Variants in PTOV1 observed in about 807,000 individuals in gnomAD.
PTOV1 encodes the protein prostate tumor-overexpressed gene 1 protein.
In PTOV1, 20 loss-of-function variants were observed where a neutral mutation model predicts 58.0. The observed-to-expected ratio is 0.34, with a 90% CI of 0.24 to 0.50. The LOEUF (loss-of-function observed/expected upper bound fraction) is 0.50, where lower values mean the gene tolerates loss of function less well. Ranked by LOEUF, PTOV1 falls within the 20% of genes least tolerant of loss-of-function variation. The pLI is 0.98. For synonymous variants in PTOV1, 335 were observed against 234.2 expected (o/e 1.43, Z -3.93); for missense variants, 593 against 565.4 (o/e 1.05, Z -0.50).
chr19:49,851,644 C>T, intron 1 of PTOV1, 145 bp downstream of exon 1: 4 of 1,108,358 alleles, frequency 3.6e-6, no homozygotes, highest in Non-Finnish European at 3.4e-6. Context: ...GCCGGGTTCC[C>T]CCGTGGAGCA....
intron 9 of PTOV1, 168 bp downstream of exon 9, chr19:49,858,282 G>A: frequency 2.2e-6 from 2 of 915,080 alleles, no homozygotes; most frequent in Non-Finnish European, 3.2e-6. Flanking sequence ...GCTTCAAGGG[G>A]TCCCAGGCAG....
exon 1 of PTOV1, chr19:49,851,391 C>T (rs1468872896): frequency 3.4e-6 from 4 of 1,173,806 alleles, no homozygotes; most frequent in Non-Finnish European, 3.2e-6. Flanking sequence ...GGGGTCGCGG[C>T]CGCCCTCCGC....
chr19:49,851,624 C>A, intron 1 of PTOV1, 125 bp downstream of exon 1: 1 of 1,071,944 alleles, frequency 9.3e-7, no homozygotes, highest in Non-Finnish European at 1.2e-6. Flanking sequence ...GAAGGGTGGT[C>A]CCGCCCGGGG....
At chr19:49,854,717 G>T (rs1432403786) in exon 3 of PTOV1, 16 of 1,613,392 alleles carry the variant, frequency 9.9e-6, no homozygotes, top group Middle Eastern at 1.6e-4. Flanking sequence ...AAGCCTACGT[G>T]AACCAAGGCG....
intron 1 of PTOV1, among the ~76,000 whole-genome samples, chr19:49,853,420 C>G (rs982072797): frequency 6.6e-6 from 1 of 150,498 alleles, no homozygotes; most frequent in African/African-American, 2.5e-5. Context: ...CTTTGGGAGG[C>G]CGAGGCGGGC....
rs375032521 is a variant in PTOV1 at position 49,857,269 on chromosome 19, C to T, written c.714+139C>T. 101 of 1,254,052 alleles carry T rather than the reference C, an allele frequency of 8.1e-5. 3 individuals carry two copies. The highest frequency in any genetic ancestry group is 4.5e-4 in the Admixed American group (22 of 49,352). The allele number at this position is 1,254,052 out of a possible 1,614,324, so 77.7% of individuals were successfully genotyped here. A position where few individuals can be genotyped will look rare whatever the true frequency, so the allele number is the denominator to read the frequency against. On this transcript the variant is annotated intron_variant, in intron 6 of 11. Coordinates refer to ENST00000391842, the Ensembl canonical transcript of PTOV1. The stretch of plus-strand genomic sequence containing the variant: ...AGCTGCAGGGGAGCCCGGAGGATGC[C>T]GGGCGGGTTCCCACCAGGGCTCCAT...
chr19:49,860,287 C>G, exon 12 of PTOV1: 1 of 1,613,136 alleles, frequency 6.2e-7, no homozygotes, highest in Non-Finnish European at 8.5e-7. Flanking sequence ...TAGTGGTTAC[C>G]CCGGGCTGGG....
At chr19:49,851,923 A>G in intron 1 of PTOV1, 1 of 956,382 alleles carries the variant, frequency 1.0e-6, no homozygotes, top group Non-Finnish European at 1.2e-6. Flanking sequence ...GCGCCCCCAG[A>G]TGTCGCACCC....
exon 1 of PTOV1, chr19:49,851,469 G>A: frequency 8.2e-7 from 1 of 1,221,066 alleles, no homozygotes; most frequent in Non-Finnish European, 1.0e-6. Context: ...CGCAGCCTCC[G>A]CGGATCCGGG....
intron 9 of PTOV1, 186 bp from the exon 10 acceptor site, chr19:49,858,363 G>T: frequency 1.5e-6 from 1 of 680,670 alleles, no homozygotes; most frequent in Non-Finnish European, 2.5e-6. Context: ...GGCTGCCAAG[G>T]GATCTGAGAG....
At chr19:49,855,007 C>T (rs1318564492) in exon 5 of PTOV1, 6 of 1,600,094 alleles carry the variant, frequency 3.7e-6, no homozygotes, top group South Asian at 1.1e-5. Context: ...TCCCAGTTGG[C>T]ACAGTTCCAC....
At position 49,854,555 on chromosome 19, in the gene PTOV1, TG is replaced by T. The variant is rs762299709; in HGVS notation, c.309+16del. Reference sequence around the variant, plus strand: ...TCGAGTGGCAGGAGGTGAGTCTCTGTGGGGCTGCGGCTGGCCTCCAGGGTCT... The same window carrying T: ...TCGAGTGGCAGGAGGTGAGTCTCTGTGGGCTGCGGCTGGCCTCCAGGGTCT... On this transcript the variant is annotated intron_variant, in intron 2 of 11. Transcript: ENST00000391842. 7.4e-6 allele frequency: 12 copies of T among 1,612,570 alleles called. No individual in the cohort carries two copies. The highest frequency in any genetic ancestry group is 1.0e-5 in the Non-Finnish European group (12 of 1,179,674).
intron 10 of PTOV1, chr19:49,859,288 A>C (rs2074633319): frequency 6.6e-6 from 1 of 152,510 alleles, no homozygotes; most frequent in South Asian, 2.1e-4. Context: ...ACATGAAAGC[A>C]ATTTCAAGCA....
chr19:49,857,085 C>A, exon 6 of PTOV1: 1 of 1,614,114 alleles, frequency 6.2e-7, no homozygotes, highest in Non-Finnish European at 8.5e-7. Context: ...ACGACCAGAG[C>A]GGCTTCGTCA....
exon 2 of PTOV1, chr19:49,854,423 C>T (rs773003272): frequency 9.3e-6 from 15 of 1,610,822 alleles, no homozygotes; most frequent in South Asian, 5.5e-5. Flanking sequence ...CTCGGGTCTT[C>T]GGGGCACTGG....
In PTOV1 at chr19:49,857,994, G is replaced by C. The variant is rs537423003; in HGVS notation, c.878+17G>C. On this transcript the variant is annotated intron_variant, in intron 8 of 11. Transcript: ENST00000391842. The stretch of plus-strand genomic sequence containing the variant: ...GGAGATCCTGTGAGTGCTGGGCTGG[G>C]GGGTGGAGGCAGCATCCAGGGGAGC... 16 of 1,613,160 alleles carry C rather than the reference G, an allele frequency of 9.9e-6. No homozygotes were observed. The highest frequency in any genetic ancestry group is 2.7e-5 in the African/African-American group (2 of 75,066).
chr19:49,860,168 G>C, exon 11 of PTOV1: 2 of 1,614,182 alleles, frequency 1.2e-6, no homozygotes, highest in African/African-American at 1.3e-5. Context: ...TGGAGCAGGA[G>C]CAACAGCAAC....
intron 2 of PTOV1, 35 bp downstream of exon 2, chr19:49,854,578 G>A (rs773885148): frequency 6.2e-7 from 1 of 1,612,642 alleles, no homozygotes; most frequent in Non-Finnish European, 8.5e-7. Flanking sequence ...GGCCTCCAGG[G>A]TCTTGTCTTG....
chr19:49,857,627 C>T (rs1044910403), intron 6 of PTOV1, 66 bp from the exon 7 acceptor site: 1 of 1,471,284 alleles, frequency 6.8e-7, no homozygotes, highest in Non-Finnish European at 9.4e-7. Context: ...ATGGCAGGCC[C>T]CAGGACAGAC....
Sources: gnomAD v4.1 joint callset for allele counts (sites outside exome capture counted in the v4.1 genomes callset) on GRCh38, gnomAD v4.1.1 for gene constraint, MANE v1.5 for transcripts, NCBI Gene and HGNC (gene_info 2026-07-23, HGNC 2026-07-21) for gene names.